TOX: variants seen among roughly 807,000 people sequenced by gnomAD.
TOX encodes the protein thymocyte selection associated high mobility group box, also known as thymocyte selection-associated high mobility group box protein TOX.
Under a neutral mutation model 53.7 loss-of-function variants are expected in TOX, and 11 were observed. The ratio of observed to expected loss-of-function variants is 0.20; its 90% CI spans 0.13 to 0.34. The LOEUF is 0.34. Ranked by LOEUF, TOX falls within the 10% of genes least tolerant of loss-of-function variation. The probability of loss-of-function intolerance (pLI) is 1.00; values close to 1 mark genes in which losing one functional copy is unlikely to be tolerated. For synonymous variants in TOX, 225 were observed against 245.3 expected (o/e 0.92, Z 0.77); for missense variants, 570 against 664.6 (o/e 0.86, Z 1.56).
intron 1 of TOX, among the ~76,000 whole-genome samples, chr8:59,063,709 C>T (rs1470054117): frequency 6.6e-6 from 1 of 152,128 alleles, no homozygotes; most frequent in East Asian, 1.9e-4. Context: ...CCCTAAGCCA[C>T]TGCGCCCGGC....
chr8:58,875,711 A>C (rs2129170416), intron 3 of TOX, among the ~76,000 whole-genome samples: 1 of 152,326 alleles, frequency 6.6e-6, no homozygotes, highest in East Asian at 1.9e-4. Flanking sequence ...AAGTGAGCAG[A>C]GGGTATGGCT....
intron 1 of TOX, among the ~76,000 whole-genome samples, chr8:59,116,445 T>C (rs947579009): frequency 3.9e-5 from 6 of 152,220 alleles, no homozygotes; most frequent in African/African-American, 1.4e-4. Context: ...ACTCATGTCA[T>C]TGCAAAAACA....
chr8:59,095,311 G>A (rs1464751393), intron 1 of TOX, among the ~76,000 whole-genome samples: 8 of 151,958 alleles, frequency 5.3e-5, no homozygotes, highest in Admixed American at 5.2e-4. Flanking sequence ...AACAATTTAC[G>A]ACTAGGACTT....
Position 58,807,003 on chromosome 8 carries a change from T to TA in TOX, c.*743dup, listed in dbSNP as rs1183806261. 1.3e-5 allele frequency: 2 copies of TA among 152,612 alleles called. No homozygotes were observed. Among genetic ancestry groups the TA allele is most frequent in the African/African-American group, 4.8e-5 (2 of 41,436 alleles). 9.5% of individuals were successfully genotyped at this position (152,612 alleles called of 1,614,324 possible). The stretch of plus-strand genomic sequence containing the variant: ...GACTTAAATGACATTTACTAACCAT[T>TA]ACACAAAAAGTGATACAAAAAAGCA... On this transcript the variant is annotated 3_prime_UTR_variant, in exon 9 of 9. Transcript: ENST00000361421.
intron 1 of TOX, among the ~76,000 whole-genome samples, chr8:59,040,499 A>T (rs1803560578): frequency 6.6e-6 from 1 of 152,180 alleles, no homozygotes; most frequent in South Asian, 2.1e-4. Context: ...CTCAACAAAC[A>T]CTAATTTGAG....
intron 1 of TOX, among the ~76,000 whole-genome samples, chr8:59,013,471 C>T (rs980700341): frequency 7.3e-5 from 11 of 149,848 alleles, no homozygotes; most frequent in African/African-American, 2.5e-4. Flanking sequence ...AGTGCAGTGG[C>T]GCGATCTCGG....
chr8:58,923,068 T>G (rs1358143910), intron 3 of TOX, among the ~76,000 whole-genome samples: 1 of 152,042 alleles, frequency 6.6e-6, no homozygotes, highest in Admixed American at 6.6e-5. Context: ...TGGCAGAGCC[T>G]GAATATCATA....
chr8:58,994,462 A>G (rs998392080), intron 1 of TOX, among the ~76,000 whole-genome samples: 1 of 150,620 alleles, frequency 6.6e-6, no homozygotes, highest in African/African-American at 2.4e-5. Flanking sequence ...TAAAGAAAGG[A>G]CTAAATCTCT....
At chr8:58,855,550 G>T (rs144187700) in intron 3 of TOX, among the ~76,000 whole-genome samples, 2 of 151,922 alleles carry the variant, frequency 1.3e-5, no homozygotes, top group Admixed American at 6.6e-5. Flanking sequence ...CCTTCCACCC[G>T]TTTCCACACC....
intron 2 of TOX, among the ~76,000 whole-genome samples, chr8:58,947,698 T>C (rs1322576593): frequency 6.6e-6 from 1 of 152,168 alleles, no homozygotes; most frequent in African/African-American, 2.4e-5. Context: ...ATTTGAAGTG[T>C]CAAACTAAGT....
intron 1 of TOX, among the ~76,000 whole-genome samples, chr8:58,964,864 GGTGTGTGT>G (rs34469462): frequency 6.8e-5 from 10 of 148,138 alleles, no homozygotes; most frequent in East Asian, 2.0e-4. Flanking sequence ...ATTTGTAGCT[GGTGTGTGT>G]GTGTGTGTGT....
chr8:58,987,111 T>C (rs7842858), intron 1 of TOX, among the ~76,000 whole-genome samples: 46,380 of 152,092 alleles, frequency 0.3, 8,454 homozygotes, highest in South Asian at 0.42. Flanking sequence ...GCAATGAGAC[T>C]CTCCAGTTAG....
intron 3 of TOX, among the ~76,000 whole-genome samples, chr8:58,876,632 T>G (rs1195592421): frequency 1.3e-5 from 2 of 152,162 alleles, no homozygotes; most frequent in Non-Finnish European, 2.9e-5. Context: ...GGAATTGTCC[T>G]GCGGAGGCTG....
intron 1 of TOX, among the ~76,000 whole-genome samples, chr8:59,057,294 A>T (rs904204400): frequency 6.6e-6 from 1 of 152,216 alleles, no homozygotes; most frequent in Non-Finnish European, 1.5e-5. Flanking sequence ...AAAAAATCAC[A>T]TACAAATAGT....
At chr8:59,009,442 G>A (rs971006564) in intron 1 of TOX, among the ~76,000 whole-genome samples, 9 of 151,096 alleles carry the variant, frequency 6.0e-5, no homozygotes, top group Middle Eastern at 3.4e-3. Flanking sequence ...GTGCCATCTC[G>A]GCTCACTGCA....
chr8:59,053,819 C>T (rs543235939), intron 1 of TOX, among the ~76,000 whole-genome samples: 3 of 152,300 alleles, frequency 2.0e-5, no homozygotes, highest in African/African-American at 7.2e-5. Flanking sequence ...TTTAATGTCA[C>T]TTTTCTTATA....
At chr8:58,863,105 AT>A (rs2129169286) in intron 3 of TOX, among the ~76,000 whole-genome samples, 1 of 152,306 alleles carries the variant, frequency 6.6e-6, no homozygotes, top group African/African-American at 2.4e-5. Context: ...GTTAAAAAAA[AT>A]CATAATCCTG....
intron 3 of TOX, among the ~76,000 whole-genome samples, chr8:58,897,814 C>T (rs1811677059): frequency 6.6e-6 from 1 of 150,962 alleles, no homozygotes; most frequent in Admixed American, 6.6e-5. Context: ...TTGGATATTT[C>T]TACATTTTTT....
At chr8:58,911,886 G>A (rs1248312260) in intron 3 of TOX, among the ~76,000 whole-genome samples, 1 of 152,082 alleles carries the variant, frequency 6.6e-6, no homozygotes, top group Non-Finnish European at 1.5e-5. Context: ...ATTTTTAGTG[G>A]AGACGGGGTT....
Sources: allele counts gnomAD v4.1 joint callset (sites outside exome capture counted in the v4.1 genomes callset), GRCh38; gene constraint gnomAD v4.1.1; transcripts MANE v1.5; gene names NCBI Gene and HGNC (gene_info 2026-07-23, HGNC 2026-07-21).